The following ERCC3 variants were observed in gnomAD, a reference collection of about 807,000 sequenced individuals.
The protein encoded by ERCC3 is general transcription and DNA repair factor IIH helicase/translocase subunit XPB.
In ERCC3, 66 loss-of-function variants were observed where a neutral mutation model predicts 94.2. That is an observed-to-expected ratio of 0.70 (90% CI 0.57 to 0.86). The LOEUF is 0.86. Among genes scored for constraint, ERCC3 ranks in the 40% least tolerant of loss-of-function variants. ERCC3 has a pLI of 0.00. For synonymous variants in ERCC3, 349 were observed against 369.1 expected, an observed-to-expected ratio of 0.95 and a Z score of 0.63; for missense variants, 829 against 987.1, an observed-to-expected ratio of 0.84 and a Z score of 2.15.
At chr2:127,275,508 C>T (rs561544104) in intron 10 of ERCC3, among the ~76,000 whole-genome samples, 293 of 152,254 alleles carry the variant, frequency 1.9e-3, no homozygotes, top group Middle Eastern at 6.8e-3. Flanking sequence ...ATTGACAGTG[C>T]CAGGCAAATT....
chr2:127,257,815 A>G lies in ERCC3; in HGVS notation c.2218-88T>C, dbSNP rs1457864843. On this transcript the variant is annotated intron_variant, in intron 14 of 14. Coordinates refer to ENST00000285398, the MANE Select transcript of ERCC3 (RefSeq NM_000122.2). The surrounding 1 kb of genome is among the most constrained non-coding windows in gnomAD (Gnocchi z 5.4). Reference sequence around the variant, plus strand: ...ACTTATAATCACAGCAAATTTTATAAGACTTACATAAATTTAATACATCAT... The same window carrying G: ...ACTTATAATCACAGCAAATTTTATAGGACTTACATAAATTTAATACATCAT... The G allele has an allele frequency of 1.4e-6, 2 of 1,415,980 alleles. No individual in the cohort carries two copies. The highest frequency in any genetic ancestry group is 2.0e-6 in the Non-Finnish European group (2 of 1,009,828). The allele number at this position is 1,415,980 out of a possible 1,614,324, so 87.7% of individuals were successfully genotyped here.
At chr2:127,275,284 C>T (rs572202641) in intron 10 of ERCC3, among the ~76,000 whole-genome samples, 45 of 152,234 alleles carry the variant, frequency 3.0e-4, no homozygotes, top group South Asian at 2.1e-4. Context: ...TCTGCCTTGG[C>T]CCCCCAAAGT....
At chr2:127,293,920 C>T (rs568171723) in intron 1 of ERCC3, 134 bp downstream of exon 1, 2 of 1,529,346 alleles carry the variant, frequency 1.3e-6, no homozygotes, top group African/African-American at 1.4e-5. Flanking sequence ...CGCCCAAAGG[C>T]CTGTCCCAAC....
At chr2:127,283,185 G>C (rs1342047663) in intron 8 of ERCC3, among the ~76,000 whole-genome samples, 1 of 151,698 alleles carries the variant, frequency 6.6e-6, no homozygotes, top group Non-Finnish European at 1.5e-5. Context: ...TTACATTTTT[G>C]TAACCAGCAC....
intron 2 of ERCC3, 53 bp from the exon 3 acceptor site, chr2:127,292,899 T>G (rs1218928015): frequency 8.8e-7 from 1 of 1,134,902 alleles, no homozygotes; most frequent in East Asian, 2.3e-5. Flanking sequence ...TTGCAGAGAC[T>G]ACTGGGCTCT....
In ERCC3 at chr2:127,277,996, T is replaced by C. The variant is rs1684784487; in HGVS notation, c.1730+1177A>G. On this transcript the variant is annotated intron_variant, in intron 10 of 14. Coordinates refer to ENST00000285398, the MANE Select transcript of ERCC3 (RefSeq NM_000122.2). This position sits in a 1 kb window ranked among gnomAD's most constrained non-coding sequence, Gnocchi z 5.1. ...GCTCATGACTCTAATCCCAGCACTT[T>C]GGGAGGCCAAGGCAGGAGGAACTGC... is the stretch of plus-strand genomic sequence containing the variant. Among the ~76,000 whole-genome samples the C allele has an allele frequency of 6.6e-6, 1 of 152,156 alleles. No individual in the cohort carries two copies. The highest frequency in any genetic ancestry group is 1.5e-5 in the Non-Finnish European group (1 of 68,018).
chr2:127,272,842 T>C, intron 11 of ERCC3, 23 bp downstream of exon 11: 3 of 1,521,310 alleles, frequency 2.0e-6, no homozygotes, highest in Non-Finnish European at 2.7e-6. Flanking sequence ...GGGCCTCACC[T>C]CCACCCCATA....
chr2:127,266,092 T>C (rs1573933391), intron 12 of ERCC3, among the ~76,000 whole-genome samples: 1 of 151,628 alleles, frequency 6.6e-6, no homozygotes, highest in Non-Finnish European at 1.5e-5. Context: ...GTTTTTTTTT[T>C]TCTTTTTTCT....
Position 127,271,595 on chromosome 2 carries a change from C to T in ERCC3, c.1828-142G>A. 1.4e-6 allele frequency: 1 copy of T among 697,574 alleles called. No homozygotes were observed. The highest frequency in any genetic ancestry group is 2.6e-5 in the East Asian group (1 of 37,800). The allele number at this position is 697,574 out of a possible 1,614,324, so 43.2% of individuals were successfully genotyped here. A position where few individuals can be genotyped will look rare whatever the true frequency, so the allele number is the denominator to read the frequency against. ...TATACCAGGGTCTATCTGATGCAGG[C>T]AGAGAGAGGTGAAGCAATAAACCTC... On this transcript the variant is annotated intron_variant, in intron 11 of 14. Transcript: ENST00000285398. The surrounding 1 kb of genome is among the most constrained non-coding windows in gnomAD (Gnocchi z 5.0).
intron 12 of ERCC3, among the ~76,000 whole-genome samples, chr2:127,269,958 T>C (rs1455614728): frequency 2.0e-5 from 3 of 151,938 alleles, no homozygotes; most frequent in South Asian, 2.1e-4. Context: ...TAGATGGAGG[T>C]TGCAGTGAGC....
intron 8 of ERCC3, 120 bp downstream of exon 8, chr2:127,286,583 C>T (rs1333418251): frequency 1.1e-6 from 1 of 940,154 alleles, no homozygotes; most frequent in Admixed American, 1.8e-5. Context: ...CTTTACCCAG[C>T]AAGCCAGCAA....
At chr2:127,260,908 G>C (rs1684170985) in intron 13 of ERCC3, 2 of 391,054 alleles carry the variant, frequency 5.1e-6, no homozygotes, top group Non-Finnish European at 9.7e-6. Flanking sequence ...GCAAACTAAG[G>C]CCTGGAGCTT....
chr2:127,289,995 G>A (rs1451188175), intron 4 of ERCC3, 171 bp from the exon 5 acceptor site: 1 of 873,270 alleles, frequency 1.1e-6, no homozygotes, highest in Admixed American at 2.2e-5. Flanking sequence ...TGAGGGTTGT[G>A]ACTTTGAGGT....
chr2:127,268,305 G>A (rs1684446414), intron 12 of ERCC3, among the ~76,000 whole-genome samples: 1 of 151,648 alleles, frequency 6.6e-6, no homozygotes, highest in African/African-American at 2.4e-5. Context: ...GTTGCCCAAG[G>A]TGGAATACCG....
chr2:127,269,956 G>A (rs1380391101), intron 12 of ERCC3, among the ~76,000 whole-genome samples: 1 of 152,138 alleles, frequency 6.6e-6, no homozygotes. Flanking sequence ...AGTAGATGGA[G>A]GTTGCAGTGA....
intron 12 of ERCC3, among the ~76,000 whole-genome samples, chr2:127,266,715 T>A (rs1009028405): frequency 6.3e-5 from 8 of 127,874 alleles, no homozygotes; most frequent in African/African-American, 1.4e-4. Context: ...AATTATTTTT[T>A]TTTTTTTTTT....
In ERCC3 at chr2:127,259,010, A is replaced by T. The variant is rs957809093; in HGVS notation, c.2217+286T>A. Reference sequence around the variant, plus strand: ...GTCACCACCAAGGTGAGCTGGGGTCACCTGCTTGCCATCCTGGGCTTCAAC... The same window carrying T: ...GTCACCACCAAGGTGAGCTGGGGTCTCCTGCTTGCCATCCTGGGCTTCAAC... On this transcript the variant is annotated intron_variant, in intron 14 of 14. Coordinates refer to ENST00000285398, the MANE Select transcript of ERCC3 (RefSeq NM_000122.2). The surrounding 1 kb of genome is among the most constrained non-coding windows in gnomAD (Gnocchi z 4.9). 6.6e-6 allele frequency among the ~76,000 whole-genome samples: 1 copy of T among 152,100 alleles called. No homozygotes were observed. The highest frequency in any genetic ancestry group is 2.4e-5 in the African/African-American group (1 of 41,406).
Position 127,261,387 on chromosome 2 carries a change from T to C in ERCC3, c.1946-41A>G, listed in dbSNP as rs779289475. 22 of 1,235,168 alleles carry C rather than the reference T, an allele frequency of 1.8e-5. No individual in the cohort carries two copies. In the African/African-American group the frequency reaches 3.1e-4, roughly 17 times the overall value. The allele number at this position is 1,235,168 out of a possible 1,614,324, so 76.5% of individuals were successfully genotyped here. Reference sequence around the variant, plus strand: ...AGAAACGGCAATAAAGAAGACAACATTAGCCATTAGAATGCCAAGAGCTAA... The same window carrying C: ...AGAAACGGCAATAAAGAAGACAACACTAGCCATTAGAATGCCAAGAGCTAA... On this transcript the variant is annotated intron_variant, in intron 12 of 14. Coordinates refer to ENST00000285398, the MANE Select transcript of ERCC3 (RefSeq NM_000122.2).
intron 12 of ERCC3, among the ~76,000 whole-genome samples, chr2:127,268,315 G>A (rs898905047): frequency 2.6e-5 from 4 of 151,892 alleles, no homozygotes; most frequent in South Asian, 2.1e-4. Context: ...GTGGAATACC[G>A]TGGTGAGATG....
Sources: allele counts gnomAD v4.1 joint callset (sites outside exome capture counted in the v4.1 genomes callset), GRCh38; gene constraint gnomAD v4.1.1; non-coding constraint Gnocchi (gnomAD v3.1); transcripts MANE v1.5; gene names NCBI Gene and HGNC (gene_info 2026-07-23, HGNC 2026-07-21).